COL22A1: variants seen among roughly 807,000 people sequenced by gnomAD.
COL22A1 encodes the protein collagen alpha-1(XXII) chain.
A neutral mutation model predicts 248.9 loss-of-function variants in COL22A1; 221 were observed. The ratio of observed to expected loss-of-function variants is 0.89; its 90% CI spans 0.80 to 0.99. COL22A1 has a LOEUF of 0.99. Among genes scored for constraint, COL22A1 ranks in the 50% least tolerant of loss-of-function variants. The probability of loss-of-function intolerance (pLI) is 0.00; values close to 1 mark genes in which losing one functional copy is unlikely to be tolerated. For synonymous variants in COL22A1, 891 were observed against 793.4 expected (o/e 1.12, Z -2.07); for missense variants, 2,240 against 2,179.0 (o/e 1.03, Z -0.56).
chr8:138,717,921 T>C (rs1032021584), intron 27 of COL22A1, among the ~76,000 whole-genome samples: 6 of 152,230 alleles, frequency 3.9e-5, no homozygotes, highest in African/African-American at 1.4e-4. Context: ...TGAATGACAA[T>C]GTATTTCTAA....
intron 22 of COL22A1, among the ~76,000 whole-genome samples, chr8:138,740,878 G>A (rs371331553): frequency 6.6e-6 from 1 of 152,134 alleles, no homozygotes; most frequent in African/African-American, 2.4e-5. Flanking sequence ...GGCCATTCCA[G>A]TGCCTCTCAA....
chr8:138,619,528 G>A lies in COL22A1; in HGVS notation c.3772-20C>T. The A allele has an allele frequency of 1.9e-6, 3 of 1,611,886 alleles. No homozygotes were observed. Among genetic ancestry groups the A allele is most frequent in the Non-Finnish European group, 2.5e-6 (3 of 1,177,980 alleles). On this transcript the variant is annotated intron_variant, in intron 52 of 64. Coordinates refer to ENST00000303045, the MANE Select transcript of COL22A1 (RefSeq NM_152888.3). ...TTTGCCCTGAGAGTAAGGAAGAAAA[G>A]AAGAGTTTGAGGACAACATTGTAAG...
intron 47 of COL22A1, among the ~76,000 whole-genome samples, chr8:138,646,259 T>C (rs558092077): frequency 1.8e-4 from 28 of 152,338 alleles, no homozygotes; most frequent in South Asian, 1.7e-3. Context: ...ACATCCTTTT[T>C]ATGTATCATA....
At chr8:138,645,135 C>T (rs375731094) in intron 47 of COL22A1, among the ~76,000 whole-genome samples, 9 of 152,302 alleles carry the variant, frequency 5.9e-5, no homozygotes, top group African/African-American at 2.2e-4. Context: ...CTCAAACTGA[C>T]GCTTTGCTCA....
At chr8:138,643,079 A>G (rs1163672226) in intron 47 of COL22A1, among the ~76,000 whole-genome samples, 1 of 152,068 alleles carries the variant, frequency 6.6e-6, no homozygotes, top group Admixed American at 6.6e-5. Context: ...TAAGCCCAGC[A>G]GCCAGCAAGT....
At chr8:138,676,474 A>AAAGAAAGAAAGAAAGAAAG (rs1399514758) in intron 41 of COL22A1, 84 bp downstream of exon 41, 38 of 646,094 alleles carry the variant, frequency 5.9e-5, no homozygotes, top group Middle Eastern at 2.6e-4. Flanking sequence ...AGAAAGAAAG[A>AAAGAAAGAAAGAAAGAAAG]AAAGAGTGTT....
chr8:138,604,962 G>C (rs1227035511), intron 58 of COL22A1, among the ~76,000 whole-genome samples, 193 bp from the exon 59 acceptor site: 1 of 152,126 alleles, frequency 6.6e-6, no homozygotes, highest in Non-Finnish European at 1.5e-5. Context: ...AATCACCCCA[G>C]GTTAGGAAGA....
intron 12 of COL22A1, among the ~76,000 whole-genome samples, chr8:138,786,924 A>G (rs1815580599): frequency 6.6e-6 from 1 of 152,206 alleles, no homozygotes; most frequent in Admixed American, 6.5e-5. Context: ...AAAAAGAAAA[A>G]GAAGGAAAAG....
At position 138,779,618 on chromosome 8, in the gene COL22A1, C is replaced by T. The variant is rs1814781152; in HGVS notation, c.1651-56G>A. ...GCAGTGGGACACAGGCCCAGGTACA[C>T]CAGAGAAGCCCACAGTCTCCCAGGG... On this transcript the variant is annotated intron_variant, in intron 13 of 64. Coordinates refer to ENST00000303045, the MANE Select transcript of COL22A1 (RefSeq NM_152888.3). 6.8e-6 allele frequency: 8 copies of T among 1,183,274 alleles called. No individual in the cohort carries two copies. In the South Asian group the frequency reaches 9.7e-5, roughly 14 times the overall value. The allele number at this position is 1,183,274 out of a possible 1,614,324, so 73.3% of individuals were successfully genotyped here.
chr8:138,664,514 G>A (rs1054440915), intron 41 of COL22A1, among the ~76,000 whole-genome samples: 2 of 152,172 alleles, frequency 1.3e-5, no homozygotes, highest in East Asian at 2.0e-4. Flanking sequence ...GTTCTCCTTT[G>A]AGAAATCCTG....
intron 3 of COL22A1, among the ~76,000 whole-genome samples, chr8:138,846,290 A>T (rs1273985204): frequency 2.6e-5 from 4 of 152,182 alleles, no homozygotes; most frequent in African/African-American, 9.7e-5. Context: ...ATTTAAGACG[A>T]GTTGACTCAG....
intron 21 of COL22A1, among the ~76,000 whole-genome samples, chr8:138,753,240 G>A (rs1488550788): frequency 6.6e-6 from 1 of 152,230 alleles, no homozygotes; most frequent in African/African-American, 2.4e-5. Flanking sequence ...CTACAAGCGT[G>A]TGTTAAGTTC....
intron 11 of COL22A1, among the ~76,000 whole-genome samples, chr8:138,801,009 A>G (rs555408152): frequency 6.6e-6 from 1 of 152,268 alleles, no homozygotes; most frequent in African/African-American, 2.4e-5. Context: ...CTGATGTGAG[A>G]GTTAAGTGAG....
intron 52 of COL22A1, among the ~76,000 whole-genome samples, chr8:138,621,491 A>G (rs1214179629): frequency 1.3e-5 from 2 of 152,214 alleles, no homozygotes; most frequent in African/African-American, 4.8e-5. Flanking sequence ...GGCATTGAGT[A>G]AACAGACTGA....
intron 50 of COL22A1, among the ~76,000 whole-genome samples, chr8:138,627,234 T>C (rs906835566): frequency 3.3e-5 from 5 of 152,188 alleles, no homozygotes; most frequent in African/African-American, 1.2e-4. Flanking sequence ...TAATGGAGCT[T>C]CCTGGGTTCC....
chr8:138,749,535 G>C (rs568465414), intron 22 of COL22A1, among the ~76,000 whole-genome samples: 1 of 152,176 alleles, frequency 6.6e-6, no homozygotes. Context: ...GCATGTGCGG[G>C]AGCATGTTGA....
At chr8:138,606,514 A>G in intron 57 of COL22A1, 62 bp from the exon 58 acceptor site, 2 of 1,498,198 alleles carry the variant, frequency 1.3e-6, no homozygotes, top group Non-Finnish European at 1.8e-6. Context: ...GCAGATTTGG[A>G]AACCTTGTGA....
chr8:138,788,924 A>G (rs1815788744), intron 12 of COL22A1, among the ~76,000 whole-genome samples: 1 of 152,210 alleles, frequency 6.6e-6, no homozygotes, highest in Non-Finnish European at 1.5e-5. Flanking sequence ...GGGCTAAGTA[A>G]CTGACCCACT....
intron 30 of COL22A1, among the ~76,000 whole-genome samples, chr8:138,706,468 G>T (rs537390016): frequency 0.015 from 2,243 of 152,156 alleles, 49 homozygotes; most frequent in African/African-American, 0.051. Flanking sequence ...AAACTAGAAT[G>T]CAGGATTAAG....
Sources: gnomAD v4.1 joint callset for allele counts (sites outside exome capture counted in the v4.1 genomes callset) on GRCh38, gnomAD v4.1.1 for gene constraint, MANE v1.5 for transcripts, NCBI Gene and HGNC (gene_info 2026-07-23, HGNC 2026-07-21) for gene names.